The following TMEM161B variants were observed in gnomAD, a reference collection of about 807,000 sequenced individuals.
TMEM161B encodes the protein transmembrane protein 161B.
In TMEM161B, 34 loss-of-function variants were observed where a neutral mutation model predicts 61.8. That is an observed-to-expected ratio of 0.55 (90% CI 0.42 to 0.73). The LOEUF is 0.73. Ranked by LOEUF, TMEM161B falls within the 30% of genes least tolerant of loss-of-function variation. The pLI is 0.00. For missense variants in TMEM161B, 456 were observed against 558.5 expected (o/e 0.82, Z 1.85); for synonymous variants, 167 against 192.8 (o/e 0.87, Z 1.11).
At chr5:88,221,695 A>G (rs1274285911) in intron 4 of TMEM161B, 1 of 456,138 alleles carries the variant, frequency 2.2e-6, no homozygotes, top group South Asian at 1.5e-5. Flanking sequence ...CAGGTGGCAT[A>G]GGTATTCTGG....
chr5:88,219,234 T>C (rs964348099), intron 5 of TMEM161B, among the ~76,000 whole-genome samples: 8 of 152,220 alleles, frequency 5.3e-5, no homozygotes, highest in African/African-American at 1.9e-4. Flanking sequence ...GACATCACTA[T>C]ATGTGGAAGA....
intron 9 of TMEM161B, chr5:88,201,795 T>C (rs28505226): frequency 0.13 from 21,244 of 162,102 alleles, 1,917 homozygotes; most frequent in Middle Eastern, 0.29. Flanking sequence ...AGGTAATTAG[T>C]GTGTGTCGGC....
chr5:88,214,371 A>T (rs180961236), intron 5 of TMEM161B, among the ~76,000 whole-genome samples: 1 of 152,234 alleles, frequency 6.6e-6, no homozygotes, highest in Admixed American at 6.5e-5. Context: ...TTTGTAGAAT[A>T]GCTTTCTTCT....
chr5:88,235,278 A>C (rs1364582293), intron 2 of TMEM161B, among the ~76,000 whole-genome samples: 3 of 152,238 alleles, frequency 2.0e-5, no homozygotes, highest in Non-Finnish European at 4.4e-5. Context: ...AATGTGAGCA[A>C]ACACAGAAAA....
chr5:88,251,145 A>G (rs1754294334), intron 1 of TMEM161B: 1 of 151,944 alleles, frequency 6.6e-6, no homozygotes, highest in Admixed American at 6.6e-5. Context: ...TGGGGATGAA[A>G]TCATAGGGGT....
chr5:88,223,496 G>A (rs1274198682), intron 4 of TMEM161B, among the ~76,000 whole-genome samples: 5 of 152,052 alleles, frequency 3.3e-5, no homozygotes, highest in Non-Finnish European at 7.4e-5. Flanking sequence ...AAACAAATGT[G>A]ACAACTACTA....
intron 3 of TMEM161B, among the ~76,000 whole-genome samples, chr5:88,226,432 CAT>C (rs1443329906): frequency 1.3e-5 from 2 of 152,158 alleles, no homozygotes; most frequent in Admixed American, 6.5e-5. Flanking sequence ...TAAAGACAAA[CAT>C]ATAGAAAGCA....
chr5:88,220,751 A>AAAAAT, intron 4 of TMEM161B, 32 bp from the exon 5 acceptor site: 2 of 1,407,724 alleles, frequency 1.4e-6, no homozygotes, highest in Non-Finnish European at 1.9e-6. Flanking sequence ...AAAAAAAAAA[A>AAAAAT]GGTCAAAAAA....
chr5:88,243,709 C>A (rs1430518958), intron 1 of TMEM161B, among the ~76,000 whole-genome samples: 1 of 151,928 alleles, frequency 6.6e-6, no homozygotes, highest in Non-Finnish European at 1.5e-5. Flanking sequence ...TGCATTCCCA[C>A]CAGCAGAGCA....
Position 88,195,882 on chromosome 5 carries a change from C to G in TMEM161B, c.*329G>C, listed in dbSNP as rs1302831313. 6 of 1,057,998 alleles carry G rather than the reference C, an allele frequency of 5.7e-6. No homozygotes were observed. Among genetic ancestry groups the G allele is most frequent in the African/African-American group, 1.7e-5 (1 of 58,352 alleles). 65.5% of individuals were successfully genotyped at this position (1,057,998 alleles called of 1,614,324 possible). A position where few individuals can be genotyped will look rare whatever the true frequency, so the allele number is the denominator to read the frequency against. ...ATTAAAAGCAATCAATAACTAGAGTCATGTGAGATGTTTCAAAGACTGCTG... is the reference window on the plus strand; with the variant it reads ...ATTAAAAGCAATCAATAACTAGAGTGATGTGAGATGTTTCAAAGACTGCTG... On this transcript the variant is annotated 3_prime_UTR_variant, in exon 12 of 12. Coordinates refer to ENST00000296595, the MANE Select transcript of TMEM161B (RefSeq NM_153354.5).
At chr5:88,215,898 T>C (rs1293130441) in intron 5 of TMEM161B, among the ~76,000 whole-genome samples, 4 of 152,218 alleles carry the variant, frequency 2.6e-5, no homozygotes, top group Non-Finnish European at 5.9e-5. Flanking sequence ...TAAAACTGCA[T>C]ATCAAGTATA....
chr5:88,205,214 T>C (rs1047869139), intron 8 of TMEM161B, among the ~76,000 whole-genome samples: 3 of 152,098 alleles, frequency 2.0e-5, no homozygotes, highest in African/African-American at 7.2e-5. Flanking sequence ...ATGTGACTTG[T>C]CCAAACTAAC....
At chr5:88,233,146 T>C (rs1751297660) in intron 2 of TMEM161B, among the ~76,000 whole-genome samples, 1 of 152,240 alleles carries the variant, frequency 6.6e-6, no homozygotes, top group African/African-American at 2.4e-5. Context: ...AGAGGAGATA[T>C]AATCACAACC....
downstream of TMEM161B, among the ~76,000 whole-genome samples, chr5:88,192,000 ATATATATATATATATATATATATATATG>A (rs1748973152): frequency 1.2e-5 from 1 of 83,176 alleles, no homozygotes; most frequent in Non-Finnish European, 2.3e-5. Flanking sequence ...ATATATATAT[ATATATATATATATATATATATATATATG>A]TATATAGCCA....
chr5:88,247,724 A>C (rs1018146339), intron 1 of TMEM161B, among the ~76,000 whole-genome samples: 6 of 152,088 alleles, frequency 3.9e-5, no homozygotes, highest in African/African-American at 1.4e-4. Context: ...TCTTTGAACA[A>C]TTTATGTATA....
intron 4 of TMEM161B, among the ~76,000 whole-genome samples, chr5:88,224,959 G>GTTTTTTTTTTTTTTTT (rs202011902): frequency 2.0e-5 from 2 of 101,202 alleles, no homozygotes; most frequent in Non-Finnish European, 1.9e-5. Flanking sequence ...CACAAAATAT[G>GTTTTTTTTTTTTTTTT]TTTTTGTTTT....
At position 88,199,369 on chromosome 5, in the gene TMEM161B, G is replaced by A. The variant is rs192400141; in HGVS notation, c.915-219C>T. ...TCATGAAAGCGTAAGAAGTTAACAG[G>A]TATCTAGAAGAAAAAAGTAGAGCAA... On this transcript the variant is annotated intron_variant, in intron 9 of 11. Transcript: ENST00000296595. 1.4e-4 allele frequency: 54 copies of A among 382,696 alleles called. 1 individual carries two copies. The East Asian group carries it at 2.1e-3, about 15-fold the overall frequency. 23.7% of individuals were successfully genotyped at this position (382,696 alleles called of 1,614,324 possible).
At chr5:88,267,213 T>C (rs1388098042) in intron 1 of TMEM161B, among the ~76,000 whole-genome samples, 1 of 152,190 alleles carries the variant, frequency 6.6e-6, no homozygotes, top group Non-Finnish European at 1.5e-5. Flanking sequence ...TTCTTTCTTC[T>C]GTAAAAATGG....
intron 5 of TMEM161B, among the ~76,000 whole-genome samples, chr5:88,220,009 T>C (rs944555898): frequency 6.6e-6 from 1 of 150,944 alleles, no homozygotes; most frequent in African/African-American, 2.4e-5. Context: ...AAAACAGAAA[T>C]GAAGTATCTG....
Sources: gnomAD v4.1 joint callset for allele counts (sites outside exome capture counted in the v4.1 genomes callset) on GRCh38, gnomAD v4.1.1 for gene constraint, MANE v1.5 for transcripts, NCBI Gene and HGNC (gene_info 2026-07-23, HGNC 2026-07-21) for gene names.